The following PDE11A variants were observed in gnomAD, a reference collection of about 807,000 sequenced individuals.
PDE11A encodes dual 3',5'-cyclic-AMP and -GMP phosphodiesterase 11A.
In PDE11A, 100 loss-of-function variants were observed where a neutral mutation model predicts 100.5. That is an observed-to-expected ratio of 1.00 (90% CI 0.85 to 1.18). The LOEUF is 1.18. PDE11A is among the 50% of genes most tolerant of loss of function. The pLI, the probability that PDE11A is intolerant of heterozygous loss-of-function variation, is 0.00. For synonymous variants in PDE11A, 381 were observed against 420.8 expected (o/e 0.91, Z 1.16); for missense variants, 1,141 against 1,152.6 (o/e 0.99, Z 0.15).
intron 2 of PDE11A, among the ~76,000 whole-genome samples, chr2:177,911,729 C>T (rs960667838): frequency 1.3e-5 from 2 of 151,972 alleles, no homozygotes; most frequent in African/African-American, 2.4e-5. Flanking sequence ...ACCAAAAATA[C>T]AAAAATTAGC....
chr2:177,815,074 CCTT>C (rs531961711), intron 9 of PDE11A, among the ~76,000 whole-genome samples: 50 of 152,218 alleles, frequency 3.3e-4, no homozygotes, highest in African/African-American at 1.1e-3. Flanking sequence ...TATGGTGTGT[CCTT>C]CTTTTTAATA....
At chr2:178,060,719 T>C (rs936989271) in intron 1 of PDE11A, among the ~76,000 whole-genome samples, 1 of 152,184 alleles carries the variant, frequency 6.6e-6, no homozygotes, top group African/African-American at 2.4e-5. Context: ...CTTTGTTCAC[T>C]TAATAGTATT....
intron 4 of PDE11A, among the ~76,000 whole-genome samples, chr2:177,896,125 AG>A (rs1317656373): frequency 6.6e-6 from 1 of 152,098 alleles, no homozygotes; most frequent in Non-Finnish European, 1.5e-5. Context: ...GATAGCAAAG[AG>A]GCCTTTTGAA....
intron 5 of PDE11A, among the ~76,000 whole-genome samples, chr2:177,858,822 A>C (rs1434742299): frequency 6.6e-6 from 1 of 152,168 alleles, no homozygotes; most frequent in Non-Finnish European, 1.5e-5. Context: ...CACTATTCAC[A>C]ATAGCAAAGA....
Position 177,852,639 on chromosome 2 carries a change from G to A in PDE11A, c.1368-12256C>T, listed in dbSNP as rs545608448. The stretch of plus-strand genomic sequence containing the variant: ...GCTAGGACCTCAGCAGGAAAGTCTC[G>A]AACACCCAGGACTTGGGACATTAAA... On this transcript the variant is annotated intron_variant, in intron 5 of 19. Coordinates refer to ENST00000286063, the MANE Select transcript of PDE11A (RefSeq NM_016953.4). 3.5e-4 allele frequency among the ~76,000 whole-genome samples: 54 copies of A among 152,162 alleles called. 1 individual carries two copies. Among genetic ancestry groups the A allele is most frequent in the South Asian group, 3.1e-3 (15 of 4,814 alleles).
intron 2 of PDE11A, among the ~76,000 whole-genome samples, chr2:177,942,451 G>A (rs1305264921): frequency 6.7e-6 from 1 of 150,290 alleles, no homozygotes; most frequent in Non-Finnish European, 1.5e-5. Flanking sequence ...TGCCCAGGCT[G>A]GAGTGCAATG....
intron 9 of PDE11A, among the ~76,000 whole-genome samples, chr2:177,793,738 G>A (rs1246058950): frequency 6.6e-6 from 1 of 152,018 alleles, no homozygotes; most frequent in Non-Finnish European, 1.5e-5. Flanking sequence ...CTCTGCTTGT[G>A]AGTACCTGGC....
At chr2:178,006,502 A>T (rs1158045799) in intron 2 of PDE11A, among the ~76,000 whole-genome samples, 1 of 152,158 alleles carries the variant, frequency 6.6e-6, no homozygotes, top group Non-Finnish European at 1.5e-5. Flanking sequence ...TAAAGTCAAG[A>T]AGAGGAAAAG....
intron 6 of PDE11A, among the ~76,000 whole-genome samples, chr2:177,838,434 T>A (rs191920979): frequency 6.6e-6 from 1 of 151,992 alleles, no homozygotes; most frequent in African/African-American, 2.4e-5. Flanking sequence ...AAATGAAATA[T>A]TTTTTTAAAA....
chr2:177,856,640 A>G (rs1242685983), intron 5 of PDE11A, among the ~76,000 whole-genome samples: 1 of 152,088 alleles, frequency 6.6e-6, no homozygotes, highest in African/African-American at 2.4e-5. Context: ...AAAATTGAAA[A>G]GTATAGTAAC....
At chr2:177,777,237 T>G (rs1329086446) in intron 9 of PDE11A, among the ~76,000 whole-genome samples, 1 of 138,956 alleles carries the variant, frequency 7.2e-6, no homozygotes, top group Non-Finnish European at 1.6e-5. Context: ...ATTTGTTGTT[T>G]AAGTGACCCA....
intron 4 of PDE11A, among the ~76,000 whole-genome samples, chr2:177,876,811 T>C (rs16823484): frequency 0.025 from 3,675 of 148,256 alleles, 383 homozygotes; most frequent in East Asian, 0.076. Flanking sequence ...AATGCACTAT[T>C]TCTGGCCCTT....
chr2:178,050,886 A>G (rs1402788573), intron 1 of PDE11A, among the ~76,000 whole-genome samples: 5 of 152,202 alleles, frequency 3.3e-5, no homozygotes, highest in African/African-American at 9.7e-5. Context: ...TCTGATTGGT[A>G]TACCTGAAAG....
intron 19 of PDE11A, among the ~76,000 whole-genome samples, chr2:177,646,679 CT>C (rs1559124595): frequency 6.6e-6 from 1 of 152,276 alleles, no homozygotes; most frequent in Middle Eastern, 3.4e-3. Flanking sequence ...AATGGTGCAA[CT>C]TTTTTTGTTC....
chr2:177,925,908 T>C (rs561245017), intron 2 of PDE11A, among the ~76,000 whole-genome samples: 1 of 152,364 alleles, frequency 6.6e-6, no homozygotes, highest in South Asian at 2.1e-4. Flanking sequence ...AACCTGAGTG[T>C]TGCAGAGGGG....
rs569126952 is a variant in PDE11A at position 177,868,271 on chromosome 2, C to T, written c.1367+7588G>A. On this transcript the variant is annotated intron_variant, in intron 5 of 19. Coordinates refer to ENST00000286063, the MANE Select transcript of PDE11A (RefSeq NM_016953.4). ...AAAATTTAAAGAAACTCTAAACTCT[C>T]GTAGGTGCTTCTCAAAGTTGAGGTA... Among the ~76,000 whole-genome samples, 6 of 152,130 alleles carry T rather than the reference C, an allele frequency of 3.9e-5. No individual in the cohort carries two copies. In the South Asian group the frequency reaches 8.3e-4, roughly 21 times the overall value.
intron 5 of PDE11A, among the ~76,000 whole-genome samples, chr2:177,854,555 G>T (rs1345253450): frequency 6.6e-6 from 1 of 152,026 alleles, no homozygotes; most frequent in Non-Finnish European, 1.5e-5. Flanking sequence ...GGGAAAATAT[G>T]GAATCCCAGA....
chr2:177,911,131 TCACTGATTTGGAGCC>T (rs1236877743), intron 2 of PDE11A, among the ~76,000 whole-genome samples: 1 of 152,228 alleles, frequency 6.6e-6, no homozygotes, highest in Admixed American at 6.5e-5. Flanking sequence ...TGATAAAGCT[TCACTGATTTGGAGCC>T]CACTGATTTG....
At chr2:178,010,332 T>C (rs1055373932) in intron 2 of PDE11A, among the ~76,000 whole-genome samples, 3 of 152,228 alleles carry the variant, frequency 2.0e-5, no homozygotes, top group Non-Finnish European at 4.4e-5. Flanking sequence ...CTGCAGTTTA[T>C]GCTATTGAAC....
Sources: gnomAD v4.1 joint callset for allele counts (sites outside exome capture counted in the v4.1 genomes callset) on GRCh38, gnomAD v4.1.1 for gene constraint, MANE v1.5 for transcripts, NCBI Gene and HGNC (gene_info 2026-07-23, HGNC 2026-07-21) for gene names.